Variants in TSPAN9 observed in about 807,000 individuals in gnomAD.
TSPAN9 encodes tetraspanin 9.
A neutral mutation model predicts 31.0 loss-of-function variants in TSPAN9; 16 were observed. The ratio of observed to expected loss-of-function variants is 0.52; its 90% CI spans 0.35 to 0.78. The LOEUF (loss-of-function observed/expected upper bound fraction) is 0.78, where lower values mean the gene tolerates loss of function less well. Ranked by LOEUF, TSPAN9 falls within the 30% of genes least tolerant of loss-of-function variation. The pLI is 0.01. For missense variants in TSPAN9, 272 were observed against 312.5 expected (o/e 0.87, Z 0.98); for synonymous variants, 145 against 121.6 (o/e 1.19, Z -1.27).
intron 2 of TSPAN9, among the ~76,000 whole-genome samples, chr12:3,112,817 G>A (rs1007460469): frequency 3.3e-5 from 5 of 151,070 alleles, no homozygotes; most frequent in South Asian, 4.2e-4. Context: ...CCCGTAGCTG[G>A]GGCTATAGGC....
chr12:3,226,786 ATATATATATTT>A (rs2098387996), intron 3 of TSPAN9, among the ~76,000 whole-genome samples: 1 of 5,646 alleles, frequency 1.8e-4, no homozygotes, highest in African/African-American at 8.3e-4. Context: ...ATATATATAT[ATATATATATTT>A]TTTTTTTTTT....
chr12:3,221,372 T>G (rs1308113305), intron 3 of TSPAN9, among the ~76,000 whole-genome samples: 1 of 150,808 alleles, frequency 6.6e-6, no homozygotes, highest in Non-Finnish European at 1.5e-5. Flanking sequence ...TTTTTTTTTT[T>G]TTTTAGATGA....
At chr12:3,281,104 C>T (rs1045448640) in intron 6 of TSPAN9, 94 bp from the exon 7 acceptor site, 37 of 1,520,092 alleles carry the variant, frequency 2.4e-5, no homozygotes, top group South Asian at 1.1e-4. Flanking sequence ...GCCACTTTTG[C>T]GGGGACTGGG....
At chr12:3,167,317 G>T (rs1024932341) in intron 2 of TSPAN9, among the ~76,000 whole-genome samples, 2 of 152,136 alleles carry the variant, frequency 1.3e-5, no homozygotes. Flanking sequence ...CATAGATGGA[G>T]GTTTTTAGCT....
intron 2 of TSPAN9, among the ~76,000 whole-genome samples, chr12:3,164,268 A>G (rs1162317048): frequency 2.0e-5 from 3 of 152,256 alleles, no homozygotes; most frequent in Non-Finnish European, 2.9e-5. Context: ...CATAGGGTCT[A>G]CAAAGCAGAA....
At chr12:3,138,816 C>G (rs2098333366) in intron 2 of TSPAN9, among the ~76,000 whole-genome samples, 2 of 152,154 alleles carry the variant, frequency 1.3e-5, no homozygotes, top group African/African-American at 4.8e-5. Flanking sequence ...CTACCTCCTT[C>G]CCTTTGCTTG....
intron 3 of TSPAN9, among the ~76,000 whole-genome samples, chr12:3,207,898 A>G (rs541694820): frequency 1.3e-5 from 2 of 152,304 alleles, no homozygotes; most frequent in South Asian, 2.1e-4. Flanking sequence ...CAGCTTTTAC[A>G]TGAACAAAGC....
chr12:3,242,007 T>C (rs992323115), intron 3 of TSPAN9, among the ~76,000 whole-genome samples: 3 of 152,232 alleles, frequency 2.0e-5, no homozygotes, highest in Non-Finnish European at 4.4e-5. Flanking sequence ...GAATTCTTCC[T>C]TTTCCTCTGA....
chr12:3,239,574 A>G (rs2098395520), intron 3 of TSPAN9, among the ~76,000 whole-genome samples: 1 of 152,190 alleles, frequency 6.6e-6, no homozygotes, highest in African/African-American at 2.4e-5. Context: ...GGTCAGAGAG[A>G]GAGGAGCTCA....
intron 2 of TSPAN9, among the ~76,000 whole-genome samples, chr12:3,104,612 C>T (rs2098313389): frequency 6.6e-6 from 1 of 152,140 alleles, no homozygotes; most frequent in Non-Finnish European, 1.5e-5. Flanking sequence ...CCTCAGCCTC[C>T]CAAAGTGCTG....
chr12:3,129,490 G>C (rs1216817934), intron 2 of TSPAN9, among the ~76,000 whole-genome samples: 1 of 152,192 alleles, frequency 6.6e-6, no homozygotes, highest in Middle Eastern at 3.2e-3. Flanking sequence ...ATGTTGGTTA[G>C]GAGTGTGGGT....
At chr12:3,232,852 A>G (rs1379494725) in intron 3 of TSPAN9, among the ~76,000 whole-genome samples, 1 of 152,118 alleles carries the variant, frequency 6.6e-6, no homozygotes, top group Admixed American at 6.5e-5. Context: ...TGCTCACTCC[A>G]TTTGGGGAAG....
intron 3 of TSPAN9, among the ~76,000 whole-genome samples, chr12:3,239,974 G>A (rs991722210): frequency 3.3e-5 from 5 of 152,052 alleles, no homozygotes; most frequent in Admixed American, 2.0e-4. Flanking sequence ...GACAAAGAAG[G>A]GCCAGGTGTA....
intron 3 of TSPAN9, among the ~76,000 whole-genome samples, chr12:3,232,116 G>T (rs987928948): frequency 3.3e-5 from 5 of 152,180 alleles, no homozygotes; most frequent in African/African-American, 1.2e-4. Flanking sequence ...TGGGCCTGAG[G>T]ATGGCAAACT....
chr12:3,158,181 C>G (rs1215066376), intron 2 of TSPAN9, among the ~76,000 whole-genome samples: 2 of 152,284 alleles, frequency 1.3e-5, no homozygotes, highest in African/African-American at 2.4e-5. Flanking sequence ...TTCCCTGTGT[C>G]CCGGAGGAGC....
At chr12:3,119,324 G>A (rs968211052) in intron 2 of TSPAN9, among the ~76,000 whole-genome samples, 7 of 152,186 alleles carry the variant, frequency 4.6e-5, no homozygotes, top group African/African-American at 1.7e-4. Flanking sequence ...GGCTCGGGGG[G>A]TTCACTGACT....
chr12:3,283,505 C>T lies in TSPAN9; in HGVS notation c.*389C>T, dbSNP rs924343383. ...CCGCCCCGTGGAGATACCGCCCCAG[C>T]GGGGGCTGCGACATCCATGGCCACC... On this transcript the variant is annotated 3_prime_UTR_variant, in exon 9 of 9. Coordinates refer to ENST00000011898, the MANE Select transcript of TSPAN9 (RefSeq NM_006675.5). 4.1e-5 allele frequency: 7 copies of T among 169,192 alleles called. No individual in the cohort carries two copies. The highest frequency in any genetic ancestry group is 3.8e-4 in the Admixed American group (6 of 15,756). The allele number at this position is 169,192 out of a possible 1,614,324, so 10.5% of individuals were successfully genotyped here. A position where few individuals can be genotyped will look rare whatever the true frequency, so the allele number is the denominator to read the frequency against.
intron 2 of TSPAN9, among the ~76,000 whole-genome samples, chr12:3,198,288 TCACCACCAGCACAGGC>T (rs2098368482): frequency 1.8e-5 from 1 of 54,740 alleles, no homozygotes; most frequent in East Asian, 5.4e-4. Context: ...CCAGCACAGC[TCACCACCAGCACAGGC>T]CACCACCAGC....
chr12:3,257,606 T>TG (rs1236734840), intron 3 of TSPAN9, among the ~76,000 whole-genome samples: 1 of 152,004 alleles, frequency 6.6e-6, no homozygotes, highest in African/African-American at 2.4e-5. Context: ...AGCTCTCTTG[T>TG]GAAAAGCCAG....
Sources: allele counts gnomAD v4.1 joint callset (sites outside exome capture counted in the v4.1 genomes callset), GRCh38; gene constraint gnomAD v4.1.1; transcripts MANE v1.5; gene names NCBI Gene and HGNC (gene_info 2026-07-23, HGNC 2026-07-21).